Variants in NDUFS4 observed in about 807,000 individuals in gnomAD.
NDUFS4 encodes the protein NADH dehydrogenase [ubiquinone] iron-sulfur protein 4, mitochondrial.
NDUFS4 carries 28 observed loss-of-function variants against 24.3 expected under a neutral mutation model. That is an observed-to-expected ratio of 1.15 (90% confidence interval 0.85 to 1.58). The LOEUF (loss-of-function observed/expected upper bound fraction) is 1.58, where lower values mean the gene tolerates loss of function less well. Among genes scored for constraint, NDUFS4 ranks in the 40% most tolerant of loss-of-function variants. The probability of loss-of-function intolerance (pLI) is 0.00; values close to 1 mark genes in which losing one functional copy is unlikely to be tolerated. For missense variants in NDUFS4, 223 were observed against 207.9 expected, an observed-to-expected ratio of 1.07 and a Z score of -0.45; for synonymous variants, 93 against 69.7, an observed-to-expected ratio of 1.34 and a Z score of -1.67.
At chr5:53,628,673 C>G (rs1228193435) in intron 2 of NDUFS4, among the ~76,000 whole-genome samples, 1 of 151,974 alleles carries the variant, frequency 6.6e-6, no homozygotes, top group Admixed American at 6.6e-5. Flanking sequence ...ATAGAGTTGT[C>G]TATAGTATTC....
At chr5:53,682,984 G>C (rs1740720716) in intron 4 of NDUFS4, 134 bp from the exon 5 acceptor site, 3 of 753,898 alleles carry the variant, frequency 4.0e-6, no homozygotes, top group Non-Finnish European at 7.3e-6. Context: ...GTATATCTCA[G>C]ATGTGTTGAC....
intron 2 of NDUFS4, among the ~76,000 whole-genome samples, chr5:53,629,896 A>G (rs1338217798): frequency 6.6e-6 from 1 of 152,146 alleles, no homozygotes; most frequent in Non-Finnish European, 1.5e-5. Context: ...TAATATTGTT[A>G]TGTGTGAATT....
At chr5:53,587,346 A>C (rs1163310029) in intron 1 of NDUFS4, among the ~76,000 whole-genome samples, 2 of 152,116 alleles carry the variant, frequency 1.3e-5, no homozygotes, top group Admixed American at 6.6e-5. Context: ...TTTCCATTAA[A>C]ATTTTCACAC....
chr5:53,643,845 C>T (rs1335244737), intron 2 of NDUFS4, among the ~76,000 whole-genome samples: 1 of 152,076 alleles, frequency 6.6e-6, no homozygotes, highest in African/African-American at 2.4e-5. Context: ...AAAACTGATT[C>T]TGTGTCATGA....
intron 4 of NDUFS4, among the ~76,000 whole-genome samples, chr5:53,675,553 C>G (rs190135199): frequency 2.9e-4 from 44 of 152,026 alleles, no homozygotes; most frequent in Non-Finnish European, 5.0e-4. Flanking sequence ...TTTCTCTATA[C>G]AGACATTGAT....
Position 53,565,397 on chromosome 5 carries a change from T to C in NDUFS4, c.98+4637T>C, listed in dbSNP as rs144131325. On this transcript the variant is annotated intron_variant, in intron 1 of 4. Coordinates refer to ENST00000296684, the MANE Select transcript of NDUFS4 (RefSeq NM_002495.4). Reference sequence around the variant, plus strand: ...AGCACATGGACCGATATATCAGCAGTGAGGTCGCAAGCTTTTTGAGGACAC... The same window carrying C: ...AGCACATGGACCGATATATCAGCAGCGAGGTCGCAAGCTTTTTGAGGACAC... Among the ~76,000 whole-genome samples the C allele has an allele frequency of 3.0e-3, 451 of 152,320 alleles. 1 individual carries two copies. Among genetic ancestry groups the C allele is most frequent in the South Asian group, 9.5e-3 (46 of 4,828 alleles).
At chr5:53,637,078 G>C (rs1030021668) in intron 2 of NDUFS4, among the ~76,000 whole-genome samples, 11 of 152,164 alleles carry the variant, frequency 7.2e-5, no homozygotes, top group Admixed American at 1.3e-4. Context: ...TTTTAAGTCT[G>C]CTTTGCTGGA....
intron 2 of NDUFS4, among the ~76,000 whole-genome samples, chr5:53,635,187 T>TTAAATAAATAAATAAATAAA (rs59403372): frequency 4.5e-4 from 68 of 149,550 alleles, no homozygotes; most frequent in African/African-American, 1.5e-3. Context: ...AAAAACTCTG[T>TTAAATAAATAAATAAATAAA]TAAATAAATA....
chr5:53,566,257 G>A (rs1390773765), intron 1 of NDUFS4, among the ~76,000 whole-genome samples: 3 of 152,112 alleles, frequency 2.0e-5, no homozygotes, highest in African/African-American at 7.2e-5. Flanking sequence ...ATCTGTTTGG[G>A]GTGAGGTATA....
chr5:53,648,728 A>G (rs535027869), intron 3 of NDUFS4, among the ~76,000 whole-genome samples: 1 of 152,316 alleles, frequency 6.6e-6, no homozygotes, highest in East Asian at 1.9e-4. Flanking sequence ...TGGCAATACT[A>G]TGAGACACAG....
intron 1 of NDUFS4, among the ~76,000 whole-genome samples, chr5:53,595,601 C>A (rs2637002): frequency 0.2 from 31,027 of 152,070 alleles, 3,692 homozygotes; most frequent in East Asian, 0.46. Context: ...AGATACATTT[C>A]TTTCTCCTTT....
At chr5:53,589,034 G>C (rs2112439123) in intron 1 of NDUFS4, among the ~76,000 whole-genome samples, 1 of 152,156 alleles carries the variant, frequency 6.6e-6, no homozygotes, top group Non-Finnish European at 1.5e-5. Flanking sequence ...AGTAGCATTA[G>C]AGCAGTTGTG....
At chr5:53,629,236 C>A (rs1751324914) in intron 2 of NDUFS4, among the ~76,000 whole-genome samples, 1 of 152,102 alleles carries the variant, frequency 6.6e-6, no homozygotes. Context: ...GTACTATGGT[C>A]TGAGAGACAG....
In NDUFS4 at chr5:53,683,313, C is replaced by CTAA; in HGVS notation, c.*96_*98dup. ...TATAATAAATACATCTCTTAATCTC[C>CTAA]TAATAAATTGGACCTTTAAACTACA... On this transcript the variant is annotated 3_prime_UTR_variant, in exon 5 of 5. Transcript: ENST00000296684. 1.1e-6 allele frequency: 1 copy of CTAA among 926,454 alleles called. No individual in the cohort carries two copies. Among genetic ancestry groups the CTAA allele is most frequent in the East Asian group, 2.5e-5 (1 of 40,474 alleles). The allele number at this position is 926,454 out of a possible 1,614,324, so 57.4% of individuals were successfully genotyped here.
At chr5:53,613,756 T>C (rs1750766751) in intron 2 of NDUFS4, among the ~76,000 whole-genome samples, 1 of 151,938 alleles carries the variant, frequency 6.6e-6, no homozygotes, top group Non-Finnish European at 1.5e-5. Context: ...ATTTTGGAAG[T>C]GTAGATTTCA....
At chr5:53,590,455 A>G (rs1260149304) in intron 1 of NDUFS4, among the ~76,000 whole-genome samples, 1 of 152,230 alleles carries the variant, frequency 6.6e-6, no homozygotes, top group Non-Finnish European at 1.5e-5. Flanking sequence ...ACTATCTCAT[A>G]TTTTGTGTTA....
intron 4 of NDUFS4, among the ~76,000 whole-genome samples, chr5:53,682,519 CAGAT>C (rs67904129): frequency 2.4e-4 from 36 of 151,508 alleles, no homozygotes; most frequent in African/African-American, 5.6e-4. Flanking sequence ...CCAATTAGTG[CAGAT>C]AGATAGCCAT....
intron 2 of NDUFS4, among the ~76,000 whole-genome samples, chr5:53,621,936 A>G (rs1428161477): frequency 1.3e-5 from 2 of 151,772 alleles, no homozygotes; most frequent in African/African-American, 4.8e-5. Flanking sequence ...TCCTGACCTC[A>G]TGATCTGCCC....
chr5:53,672,207 A>G (rs765732260), intron 4 of NDUFS4, among the ~76,000 whole-genome samples: 1 of 152,000 alleles, frequency 6.6e-6, no homozygotes, highest in Non-Finnish European at 1.5e-5. Flanking sequence ...TCAACCTCAC[A>G]TCCATATATC....
Sources: gnomAD v4.1 joint callset for allele counts (sites outside exome capture counted in the v4.1 genomes callset) on GRCh38, gnomAD v4.1.1 for gene constraint, MANE v1.5 for transcripts, NCBI Gene and HGNC (gene_info 2026-07-23, HGNC 2026-07-21) for gene names.